The following DCDC2 variants were observed in gnomAD, a reference collection of about 807,000 sequenced individuals.
The protein encoded by DCDC2 is doublecortin domain containing 2, also known as doublecortin domain-containing protein 2.
A neutral mutation model predicts 50.2 loss-of-function variants in DCDC2; 40 were observed. The ratio of observed to expected loss-of-function variants is 0.80; its 90% confidence interval spans 0.62 to 1.04. The LOEUF (loss-of-function observed/expected upper bound fraction) is 1.04, where lower values mean the gene tolerates loss of function less well. DCDC2 is among the 50% of genes least tolerant of loss of function. The pLI is 0.00. For synonymous variants in DCDC2, 234 were observed against 210.6 expected, an observed-to-expected ratio of 1.11 and a Z score of -0.96; for missense variants, 570 against 581.9, an observed-to-expected ratio of 0.98 and a Z score of 0.21.
intron 7 of DCDC2, among the ~76,000 whole-genome samples, chr6:24,232,304 G>A (rs1235781987): frequency 6.6e-6 from 1 of 152,034 alleles, no homozygotes; most frequent in African/African-American, 2.4e-5. Flanking sequence ...AAACACCTAA[G>A]GAATGAAAGT....
At chr6:24,198,323 G>C (rs1761492796) in intron 8 of DCDC2, among the ~76,000 whole-genome samples, 1 of 152,180 alleles carries the variant, frequency 6.6e-6, no homozygotes, top group Non-Finnish European at 1.5e-5. Context: ...CATTGGGACT[G>C]GTTAGACAGT....
intron 8 of DCDC2, among the ~76,000 whole-genome samples, chr6:24,199,235 T>C (rs985997689): frequency 6.6e-6 from 1 of 152,142 alleles, no homozygotes; most frequent in African/African-American, 2.4e-5. Context: ...ACAGGATGGG[T>C]CAACAGACAC....
At chr6:24,285,037 C>T (rs66531067) in intron 6 of DCDC2, among the ~76,000 whole-genome samples, 13 of 152,088 alleles carry the variant, frequency 8.5e-5, no homozygotes, top group African/African-American at 2.9e-4. Flanking sequence ...TACCCTCCCC[C>T]CCACACACAC....
intron 7 of DCDC2, among the ~76,000 whole-genome samples, chr6:24,266,940 G>A (rs538583144): frequency 5.3e-5 from 8 of 152,200 alleles, no homozygotes; most frequent in South Asian, 2.1e-4. Context: ...TAAAGAAAAC[G>A]TGGTATAGAC....
chr6:24,381,803 AAAGG>A, the DCDC2 span, among the ~76,000 whole-genome samples: 4,003 of 67,202 alleles, frequency 0.06, 179 homozygotes, highest in African/African-American at 0.12. Context: ...GGAAGGAAAG[AAAGG>A]AAGGAAGGAA....
chr6:24,326,718 GT>G (rs1162137370), intron 2 of DCDC2, among the ~76,000 whole-genome samples: 1 of 148,664 alleles, frequency 6.7e-6, no homozygotes, highest in African/African-American at 2.4e-5. Context: ...AATTGGCCAG[GT>G]GTGGTGGTAC....
intron 7 of DCDC2, among the ~76,000 whole-genome samples, chr6:24,227,497 A>C (rs2113780360): frequency 6.6e-6 from 1 of 152,330 alleles, no homozygotes; most frequent in Non-Finnish European, 1.5e-5. Context: ...ACGAAGCCAG[A>C]CCCGTCAAAA....
At chr6:24,315,445 G>A (rs549539606) in intron 2 of DCDC2, among the ~76,000 whole-genome samples, 17 of 152,184 alleles carry the variant, frequency 1.1e-4, no homozygotes, top group Admixed American at 5.9e-4. Context: ...ACAGTAAATC[G>A]TCTATGTACC....
intron 7 of DCDC2, among the ~76,000 whole-genome samples, chr6:24,255,113 A>G (rs1762875334): frequency 6.6e-6 from 1 of 152,150 alleles, no homozygotes; most frequent in Admixed American, 6.6e-5. Flanking sequence ...GTACAAAGAT[A>G]GACAACAGAC....
At position 24,327,475 on chromosome 6, in the gene DCDC2, T is replaced by TTG. The variant is rs879459149; in HGVS notation, c.349-25432_349-25431insCA. Among the ~76,000 whole-genome samples, 145 of 129,404 alleles carry TTG rather than the reference T, an allele frequency of 1.1e-3. 2 individuals carry two copies. Among genetic ancestry groups the TTG allele is most frequent in the African/African-American group, 3.9e-3 (136 of 34,840 alleles). The allele number at this position is 129,404 out of a possible 152,430, so 84.9% of individuals were successfully genotyped here. A position where few individuals can be genotyped will look rare whatever the true frequency, so the allele number is the denominator to read the frequency against. ...AAACTTATTTATTTATTTATTTATT[T>TTG]ATTTATTTATTGGCTGATACGGAGT... is the stretch of plus-strand genomic sequence containing the variant. On this transcript the variant is annotated intron_variant, in intron 2 of 9. Coordinates refer to ENST00000378454, the MANE Select transcript of DCDC2 (RefSeq NM_016356.5).
chr6:24,382,251 C>A, the DCDC2 span, among the ~76,000 whole-genome samples: 3 of 152,016 alleles, frequency 2.0e-5, no homozygotes, highest in Non-Finnish European at 2.9e-5. Flanking sequence ...CTTGACTCTA[C>A]AGACTCCGGC....
chr6:24,297,632 C>A (rs1299846918), intron 4 of DCDC2, among the ~76,000 whole-genome samples: 1 of 151,698 alleles, frequency 6.6e-6, no homozygotes, highest in Admixed American at 6.6e-5. Context: ...CCTGTATATA[C>A]CTTTGTGTCC....
intron 2 of DCDC2, among the ~76,000 whole-genome samples, chr6:24,324,367 A>G (rs1247158193): frequency 6.6e-6 from 1 of 152,258 alleles, no homozygotes; most frequent in Non-Finnish European, 1.5e-5. Flanking sequence ...AATGAATGAC[A>G]GTGAAACTGG....
intron 7 of DCDC2, among the ~76,000 whole-genome samples, chr6:24,263,444 A>T (rs907819618): frequency 2.0e-5 from 3 of 152,216 alleles, no homozygotes; most frequent in Non-Finnish European, 4.4e-5. Flanking sequence ...GACCTTTCAG[A>T]GAATTCAAAA....
chr6:24,206,636 GA>G (rs1447526807), intron 7 of DCDC2, among the ~76,000 whole-genome samples: 1 of 152,168 alleles, frequency 6.6e-6, no homozygotes, highest in African/African-American at 2.4e-5. Context: ...CACATTCAAT[GA>G]AATGTTTAAC....
At chr6:24,205,783 T>C (rs1761707280) in intron 7 of DCDC2, among the ~76,000 whole-genome samples, 1 of 152,186 alleles carries the variant, frequency 6.6e-6, no homozygotes, top group Non-Finnish European at 1.5e-5. Flanking sequence ...ATATTTGAAG[T>C]AGTTTTAATG....
chr6:24,295,732 T>C (rs1028950534), intron 4 of DCDC2, among the ~76,000 whole-genome samples: 1 of 151,594 alleles, frequency 6.6e-6, no homozygotes, highest in East Asian at 1.9e-4. Flanking sequence ...GCACAAAAAA[T>C]AAAATAAAAT....
At chr6:24,199,146 C>G (rs114140754) in intron 8 of DCDC2, among the ~76,000 whole-genome samples, 2 of 152,198 alleles carry the variant, frequency 1.3e-5, no homozygotes, top group Admixed American at 6.5e-5. Context: ...CCCAGAACAG[C>G]GCTCGAGCTC....
At position 24,257,912 on chromosome 6, in the gene DCDC2, T is replaced by C. The variant is rs114489285; in HGVS notation, c.922+20137A>G. 5.8e-3 allele frequency among the ~76,000 whole-genome samples: 884 copies of C among 152,044 alleles called. 4 individuals carry two copies. Among genetic ancestry groups the C allele is most frequent in the East Asian group, 0.021 (106 of 5,160 alleles). On this transcript the variant is annotated intron_variant, in intron 7 of 9. Transcript: ENST00000378454. ...CCAGATTCAAGAGACTCTGAGAAAG[T>C]AGAATCAATGAAAATTAGCTCTGAT...
Sources: allele counts gnomAD v4.1 joint callset (sites outside exome capture counted in the v4.1 genomes callset), GRCh38; gene constraint gnomAD v4.1.1; transcripts MANE v1.5; gene names NCBI Gene and HGNC (gene_info 2026-07-23, HGNC 2026-07-21).